The following SLC44A5 variants were observed in gnomAD, a reference collection of about 807,000 sequenced individuals.
The protein encoded by SLC44A5 is solute carrier family 44 member 5.
SLC44A5 carries 57 observed loss-of-function variants against 101.8 expected under a neutral mutation model. That is an observed-to-expected ratio of 0.56 (90% CI 0.45 to 0.70). The LOEUF (loss-of-function observed/expected upper bound fraction) is 0.70, where lower values mean the gene tolerates loss of function less well. Among genes scored for constraint, SLC44A5 ranks in the 30% least tolerant of loss-of-function variants. SLC44A5 has a pLI of 0.00. For missense variants in SLC44A5, 737 were observed against 853.1 expected, an observed-to-expected ratio of 0.86 and a Z score of 1.70; for synonymous variants, 281 against 290.9, an observed-to-expected ratio of 0.97 and a Z score of 0.35.
At chr1:75,229,596 T>C (rs1053143102) in intron 12 of SLC44A5, among the ~76,000 whole-genome samples, 1 of 152,198 alleles carries the variant, frequency 6.6e-6, no homozygotes, top group Non-Finnish European at 1.5e-5. Flanking sequence ...GCCCTCCTGC[T>C]AATACTGCCA....
intron 3 of SLC44A5, among the ~76,000 whole-genome samples, chr1:75,343,065 T>C (rs190589789): frequency 1.7e-3 from 253 of 152,294 alleles, no homozygotes; most frequent in Non-Finnish European, 3.1e-3. Context: ...ATAAATAGAC[T>C]GAAGGGCCAG....
At chr1:75,605,242 AT>A (rs5775299) in intron 1 of SLC44A5, among the ~76,000 whole-genome samples, 39,891 of 152,028 alleles carry the variant, frequency 0.26, 7,058 homozygotes, top group East Asian at 0.78. Flanking sequence ...TGGGTTTTAA[AT>A]TTTTGATTCT....
intron 10 of SLC44A5, among the ~76,000 whole-genome samples, chr1:75,237,996 T>A (rs1371721929): frequency 6.6e-6 from 1 of 151,974 alleles, no homozygotes; most frequent in Non-Finnish European, 1.5e-5. Context: ...GAGCACCATG[T>A]GTGTAGAGCC....
chr1:75,321,873 T>C (rs780322162), intron 4 of SLC44A5, among the ~76,000 whole-genome samples: 1 of 152,228 alleles, frequency 6.6e-6, no homozygotes, highest in Non-Finnish European at 1.5e-5. Context: ...GTTCAGAGTA[T>C]GTCAGTTTCA....
At chr1:75,213,266 T>G (rs1265534016) in intron 22 of SLC44A5, among the ~76,000 whole-genome samples, 1 of 152,136 alleles carries the variant, frequency 6.6e-6, no homozygotes, top group Non-Finnish European at 1.5e-5. Flanking sequence ...GTAAGACCAA[T>G]AATTTTTGCT....
intron 23 of SLC44A5, chr1:75,205,011 A>G (rs1276766897): frequency 6.6e-6 from 1 of 152,234 alleles, no homozygotes; most frequent in Non-Finnish European, 1.5e-5. Flanking sequence ...AGTTGTCATT[A>G]TCTGCATTAT....
At chr1:75,410,336 A>G (rs1346121000) in intron 2 of SLC44A5, among the ~76,000 whole-genome samples, 1 of 152,106 alleles carries the variant, frequency 6.6e-6, no homozygotes. Context: ...ATTACCTGCC[A>G]TGCCTATTTA....
Position 75,222,407 on chromosome 1 carries a change from T to G in SLC44A5, c.1039A>C (p.Arg347=). The change falls in exon 14 of 24, where the codon AGG becomes CGG. Residue 347 remains arginine, a synonymous_variant. Transcript: ENST00000370859. ...VIVILMLIFL[R]NRIRVAIILL... is the part of the protein sequence containing the mutation. ...ATAATGGCGACTCGGATTCGATTCC[T>G]GAGGAAGATCAGCATGAGGATGACA... 1 of 1,613,788 alleles carries G rather than the reference T, an allele frequency of 6.2e-7. No homozygotes were observed. The highest frequency in any genetic ancestry group is 8.5e-7 in the Non-Finnish European group (1 of 1,179,910).
rs751132947 is a variant in SLC44A5 at position 75,219,828 on chromosome 1, A to G, written c.1150T>C (p.Cys384Arg). 2 of 1,612,938 alleles carry G rather than the reference A, an allele frequency of 1.2e-6. No homozygotes were observed. ...GCTGTCACGACCCAGTAGCAAATGC[A>G]GATTGAGAGCAAAATGAAAGTTAAA... ...PALTFILLSI[C>R]ICYWVVTAVF... The change falls in exon 15 of 24, where the codon TGC becomes CGC. Residue 384 changes from cysteine to arginine, a missense_variant. This residue lies in a region of SLC44A5 where 665 missense variants were observed against 764.4 expected (regional missense o/e 0.87). Transcript: ENST00000370859.
At chr1:75,402,931 G>A (rs1557748252) in intron 2 of SLC44A5, among the ~76,000 whole-genome samples, 2 of 152,174 alleles carry the variant, frequency 1.3e-5, no homozygotes, top group Admixed American at 6.5e-5. Context: ...AGACCAGCAA[G>A]CTAAGATCCA....
chr1:75,596,442 A>T (rs937012293), intron 1 of SLC44A5, among the ~76,000 whole-genome samples: 2 of 152,166 alleles, frequency 1.3e-5, no homozygotes, highest in African/African-American at 4.8e-5. Context: ...ACTCCTCTCT[A>T]ACTCATTTTA....
At chr1:75,321,120 T>C (rs923981891) in intron 4 of SLC44A5, among the ~76,000 whole-genome samples, 6 of 152,172 alleles carry the variant, frequency 3.9e-5, no homozygotes, top group Non-Finnish European at 8.8e-5. Flanking sequence ...TGCTCAGAAA[T>C]CTTTGTCTAT....
intron 3 of SLC44A5, among the ~76,000 whole-genome samples, chr1:75,347,017 T>C (rs1293406623): frequency 6.6e-6 from 1 of 152,136 alleles, no homozygotes; most frequent in African/African-American, 2.4e-5. Context: ...TGAATAAAGA[T>C]TGGGGAAAAT....
At chr1:75,550,882 T>C (rs1671900052) in intron 1 of SLC44A5, among the ~76,000 whole-genome samples, 1 of 152,128 alleles carries the variant, frequency 6.6e-6, no homozygotes, top group African/African-American at 2.4e-5. Flanking sequence ...GTCTAGGATA[T>C]CCTATGCTAA....
chr1:75,634,700 C>A, the SLC44A5 span, among the ~76,000 whole-genome samples: 1 of 150,922 alleles, frequency 6.6e-6, no homozygotes, highest in African/African-American at 2.4e-5. Flanking sequence ...GACCTAAAAC[C>A]ATAAAAACCC....
chr1:75,682,670 A>G, the SLC44A5 span, among the ~76,000 whole-genome samples: 2 of 151,814 alleles, frequency 1.3e-5, no homozygotes, highest in African/African-American at 4.8e-5. Flanking sequence ...AAACCTAGGC[A>G]ATACCATTCA....
chr1:75,418,043 A>G (rs1663770089), intron 2 of SLC44A5, among the ~76,000 whole-genome samples: 1 of 152,236 alleles, frequency 6.6e-6, no homozygotes, highest in African/African-American at 2.4e-5. Flanking sequence ...TACCCCTCAC[A>G]CCAAACTTCA....
intron 2 of SLC44A5, among the ~76,000 whole-genome samples, chr1:75,537,033 A>AAATATATATATATATAT (rs35829590): frequency 3.7e-4 from 16 of 43,044 alleles, no homozygotes; most frequent in Non-Finnish European, 8.1e-4. Context: ...AAAAAAAAAA[A>AAATATATATATATATAT]ATATATATCT....
At chr1:75,697,095 A>G in the SLC44A5 span, among the ~76,000 whole-genome samples, 1 of 152,300 alleles carries the variant, frequency 6.6e-6, no homozygotes, top group Admixed American at 6.5e-5. Context: ...TTATATCTCA[A>G]TAAAGTTGAT....
Sources: allele counts gnomAD v4.1 joint callset (sites outside exome capture counted in the v4.1 genomes callset), GRCh38; gene constraint gnomAD v4.1.1; regional missense constraint gnomAD v4.1.1; transcripts MANE v1.5; gene names NCBI Gene and HGNC (gene_info 2026-07-23, HGNC 2026-07-21).